RPL3L: variants seen among roughly 807,000 people sequenced by gnomAD.
RPL3L encodes the protein ribosomal protein uL3-like.
In RPL3L, 44 loss-of-function variants were observed where a neutral mutation model predicts 44.5. That is an observed-to-expected ratio of 0.99 (90% CI 0.78 to 1.27). The LOEUF is 1.27. Among genes scored for constraint, RPL3L ranks in the 50% most tolerant of loss-of-function variants. RPL3L has a pLI of 0.00. For missense variants in RPL3L, 631 were observed against 569.1 expected (o/e 1.11, Z -1.11); for synonymous variants, 292 against 230.7 (o/e 1.27, Z -2.41).
At position 1,950,890 on chromosome 16, in the gene RPL3L, G is replaced by A; in HGVS notation, c.455C>T (p.Ala152Val). ...AATGACCTTGCAGTACTTCTTCATG[G>A]CGGCGAAGTCCTTCTGTAGCTGCTT... ...GKKQLQKDFA[A>V]MKKYCKVIRV... The change falls in exon 4 of 10, where the codon GCC becomes GTC. Residue 152 changes from alanine (A) to valine (V), a missense_variant. Ala to Val is a moderately conservative substitution (Grantham distance 64). Transcript: ENST00000268661. The A allele has an allele frequency of 3.1e-6, 5 of 1,614,088 alleles. No individual in the cohort carries two copies. The highest frequency in any genetic ancestry group is 4.2e-6 in the Non-Finnish European group (5 of 1,179,982).
rs750439718 is a variant in RPL3L, at chr16:1,946,756, G to T, written c.850-30C>A. The T allele has an allele frequency of 8.1e-6, 13 of 1,609,790 alleles. No individual in the cohort carries two copies. In the East Asian group the frequency reaches 2.9e-4, roughly 36 times the overall value. ...CAGAAGGGGGCACATGCCAGGGGCA[G>T]GAAGTGGCCTCTGAGGCCAGCAGCC... On this transcript the variant is annotated intron_variant, in intron 6 of 9. Coordinates refer to ENST00000268661, the MANE Select transcript of RPL3L (RefSeq NM_005061.3).
intron 4 of RPL3L, among the ~76,000 whole-genome samples, chr16:1,949,252 TTTTTTTC>T (rs2083150486): frequency 3.3e-3 from 371 of 114,036 alleles, no homozygotes; most frequent in African/African-American, 0.01. Context: ...TTGTTTTTTT[TTTTTTTC>T]TTTTTTTTTT....
Position 1,953,948 on chromosome 16 carries a change from T to TG in RPL3L, c.196+7dup. On this transcript the variant is annotated splice_region_variant and intron_variant, in intron 2 of 9. Coordinates refer to ENST00000268661, the MANE Select transcript of RPL3L (RefSeq NM_005061.3). ...CCCCCTCCCCCAAGGGTCCCAACTG[T>TG]GACTCACTGAGCCCCGGCCGGTGCA... 1 of 1,512,444 alleles carries TG rather than the reference T, an allele frequency of 6.6e-7. No individual in the cohort carries two copies. Among genetic ancestry groups the TG allele is most frequent in the Non-Finnish European group, 8.9e-7 (1 of 1,124,602 alleles). 93.7% of individuals were successfully genotyped at this position (1,512,444 alleles called of 1,614,324 possible). A position where few individuals can be genotyped will look rare whatever the true frequency, so the allele number is the denominator to read the frequency against.
At position 1,950,881 on chromosome 16, in the gene RPL3L, T is replaced by C. The variant is rs1489594053; in HGVS notation, c.464A>G (p.Lys155Arg). 6.2e-6 allele frequency: 10 copies of C among 1,613,964 alleles called. No individual in the cohort carries two copies. Among genetic ancestry groups the C allele is most frequent in the African/African-American group, 1.3e-5 (1 of 74,896 alleles). Reference protein sequence around the residue: ...QLQKDFAAMKKYCKVIRVIVH... With the variant: ...QLQKDFAAMKRYCKVIRVIVH... ...AATGACCCGAATGACCTTGCAGTAC[T>C]TCTTCATGGCGGCGAAGTCCTTCTG... Residue 155 changes from lysine to arginine, a missense_variant, in exon 4 of 10, where the codon AAG becomes AGG. Lys to Arg is a conservative substitution (Grantham distance 26, BLOSUM62 2). Transcript: ENST00000268661.
chr16:1,953,094 G>C (rs1281337690), intron 2 of RPL3L, 52 bp from the exon 3 acceptor site: 1 of 1,538,182 alleles, frequency 6.5e-7, no homozygotes, highest in Non-Finnish European at 8.7e-7. Flanking sequence ...GAGGCCTGTG[G>C]GGGAGGGAGT....
intron 3 of RPL3L, among the ~76,000 whole-genome samples, 155 bp from the exon 4 acceptor site, chr16:1,951,134 C>A (rs1248293641): frequency 6.6e-6 from 1 of 152,088 alleles, no homozygotes; most frequent in Non-Finnish European, 1.5e-5. Context: ...CAGCCACCAT[C>A]TTTGAACATA....
At chr16:1,947,889 G>A (rs574748386) in intron 4 of RPL3L, among the ~76,000 whole-genome samples, 3 of 152,004 alleles carry the variant, frequency 2.0e-5, no homozygotes, top group Non-Finnish European at 4.4e-5. Context: ...CCTGGGAGTG[G>A]GGAGCTCGGA....
chr16:1,950,308 A>C (rs1841437125), intron 4 of RPL3L, among the ~76,000 whole-genome samples: 1 of 151,704 alleles, frequency 6.6e-6, no homozygotes, highest in Non-Finnish European at 1.5e-5. Context: ...ATGAACACAC[A>C]CCAGTGACTG....
At position 1,947,064 on chromosome 16, in the gene RPL3L, C is replaced by T. The variant is rs367867638; in HGVS notation, c.723G>A (p.Pro241=). Residue 241 remains proline (P), a synonymous_variant, in exon 6 of 10, where the codon CCG becomes CCA. Transcript: ENST00000268661. Reference sequence around the variant, plus strand: ...TGCGCAGGCCCTTATGGGTCTTCCGCGGCAGCTTCTTGGTATGCCAGCGGC... The same window carrying T: ...TGCGCAGGCCCTTATGGGTCTTCCGTGGCAGCTTCTTGGTATGCCAGCGGC... ...VTSRWHTKKL[P]RKTHKGLRKV... 1.4e-4 allele frequency: 228 copies of T among 1,613,550 alleles called. No individual in the cohort carries two copies. Among genetic ancestry groups the T allele is most frequent in the African/African-American group, 7.1e-4 (53 of 75,064 alleles).
Position 1,952,952 on chromosome 16 carries a change from G to A in RPL3L, c.287C>T (p.Pro96Leu), listed in dbSNP as rs1027002875. The change falls in exon 3 of 10, where the codon CCT becomes CTT. Residue 96 changes from proline to leucine, a missense_variant. Transcript: ENST00000268661. ...VVGVVGYVATPRGLRSFKTIF... is the reference protein window; with the variant it reads ...VVGVVGYVATLRGLRSFKTIF... ...GGTCTTGAAGCTCCGGAGACCTCGA[G>A]GGGTGGCCACGTAGCCCACCACGCC... The A allele has an allele frequency of 3.7e-6, 6 of 1,613,754 alleles. No individual in the cohort carries two copies. Among genetic ancestry groups the A allele is most frequent in the Non-Finnish European group, 3.4e-6 (4 of 1,179,992 alleles).
rs547131347 is a variant in RPL3L, at chr16:1,945,187, C to T, written c.1168-294G>A. 5.9e-5 allele frequency among the ~76,000 whole-genome samples: 9 copies of T among 152,028 alleles called. No individual in the cohort carries two copies. In the South Asian group the frequency reaches 1.9e-3, roughly 32 times the overall value. ...TGGCTAATACGATGAAACCCCATCC[C>T]TACTAAAAATACAGAAAATTAGCCT... is the stretch of plus-strand genomic sequence containing the variant. On this transcript the variant is annotated intron_variant, in intron 9 of 9. Coordinates refer to ENST00000268661, the MANE Select transcript of RPL3L (RefSeq NM_005061.3).
rs779089250 is a variant in RPL3L at position 1,945,487 on chromosome 16, C to T, written c.1167+12G>A. 1.9e-6 allele frequency: 3 copies of T among 1,603,454 alleles called. No homozygotes were observed. Among genetic ancestry groups the T allele is most frequent in the South Asian group, 1.1e-5 (1 of 89,570 alleles). On this transcript the variant is annotated intron_variant, in intron 9 of 9. Coordinates refer to ENST00000268661, the MANE Select transcript of RPL3L (RefSeq NM_005061.3). ...CCCCAGAGAAGAACAAGGATGGGGG[C>T]GGTGAGCTCACCATGAAGGCCCTCT... is the stretch of plus-strand genomic sequence containing the variant.
chr16:1,946,895 G>A, intron 6 of RPL3L, 43 bp downstream of exon 6: 1 of 1,572,074 alleles, frequency 6.4e-7, no homozygotes. Flanking sequence ...TGAGGGCTGG[G>A]GTCCGACCAC....
chr16:1,952,979 A>G lies in RPL3L; in HGVS notation c.260T>C (p.Val87Ala). The change falls in exon 3 of 10, where the codon GTG (valine) becomes GCG (alanine). Residue 87 changes from valine to alanine, a missense_variant. Transcript: ENST00000268661. ...GGTGGCCACGTAGCCCACCACGCCC[A>G]CCACCACTAGGGGCGGCGTTTCTAC... is the stretch of plus-strand genomic sequence containing the variant. ...TIVETPPLVV[V>A]GVVGYVATPR... 6.2e-7 allele frequency: 1 copy of G among 1,612,648 alleles called. No individual in the cohort carries two copies. Among genetic ancestry groups the G allele is most frequent in the Non-Finnish European group, 8.5e-7 (1 of 1,179,520 alleles).
In RPL3L at chr16:1,953,059, G is replaced by A. The variant is rs748195277; in HGVS notation, c.197-17C>T. 6.3e-7 allele frequency: 1 copy of A among 1,576,102 alleles called. No homozygotes were observed. Among genetic ancestry groups the A allele is most frequent in the African/African-American group, 1.4e-5 (1 of 74,060 alleles). On this transcript the variant is annotated splice_polypyrimidine_tract_variant and intron_variant, in intron 2 of 9. Transcript: ENST00000268661. Reference sequence around the variant, plus strand: ...TGGAAATTTCTGGATGAGACACAGGGATGGGGCATGAAGGGGGACCTCCTG... The same window carrying A: ...TGGAAATTTCTGGATGAGACACAGGAATGGGGCATGAAGGGGGACCTCCTG...
intron 3 of RPL3L, among the ~76,000 whole-genome samples, chr16:1,951,505 C>G (rs986397420): frequency 6.6e-6 from 1 of 152,168 alleles, no homozygotes; most frequent in Non-Finnish European, 1.5e-5. Flanking sequence ...CCTCACCCCC[C>G]ATGTAGCTGA....
intron 4 of RPL3L, among the ~76,000 whole-genome samples, chr16:1,948,142 TTGGCCCGGA>T (rs2083139338): frequency 6.6e-6 from 1 of 151,936 alleles, no homozygotes; most frequent in African/African-American, 2.4e-5. Context: ...TTTCACTGTG[TTGGCCCGGA>T]TGGTCTGCAT....
In RPL3L at chr16:1,944,652, T is replaced by C; in HGVS notation, c.*185A>G. ...TCCCGCACAGCCAGCTCTGTGTGAA[T>C]TACTCTTTCTCTATTGCAATTCCCC... On this transcript the variant is annotated 3_prime_UTR_variant, in exon 10 of 10. Transcript: ENST00000268661. 1.5e-6 allele frequency: 1 copy of C among 663,622 alleles called. No individual in the cohort carries two copies. The allele number at this position is 663,622 out of a possible 1,614,324, so 41.1% of individuals were successfully genotyped here. A position where few individuals can be genotyped will look rare whatever the true frequency, so the allele number is the denominator to read the frequency against.
Position 1,951,047 on chromosome 16 carries a change from C to T in RPL3L, c.366-68G>A. 1.9e-6 allele frequency: 3 copies of T among 1,567,508 alleles called. No individual in the cohort carries two copies. The Admixed American group carries it at 5.5e-5, about 28-fold the overall frequency. ...GCAGCTCCCCAGGCCTATCCTGCCC[C>T]CACCTCACCCCCAGCCCACCAAGCA... is the stretch of plus-strand genomic sequence containing the variant. On this transcript the variant is annotated intron_variant, in intron 3 of 9. Coordinates refer to ENST00000268661, the MANE Select transcript of RPL3L (RefSeq NM_005061.3).
Sources: gnomAD v4.1 joint callset for allele counts (sites outside exome capture counted in the v4.1 genomes callset) on GRCh38, gnomAD v4.1.1 for gene constraint, MANE v1.5 for transcripts, NCBI Gene and HGNC (gene_info 2026-07-23, HGNC 2026-07-21) for gene names.